BCL7C: variants seen among roughly 807,000 people sequenced by gnomAD.
BCL7C encodes BAF chromatin remodeling complex subunit BCL7C, also known as B-cell CLL/lymphoma 7 protein family member C.
A neutral mutation model predicts 26.2 loss-of-function variants in BCL7C; 8 were observed. The observed-to-expected ratio is 0.30, with a 90% CI of 0.18 to 0.55. The LOEUF is 0.55. BCL7C is among the 20% of genes least tolerant of loss of function. The pLI, the probability that BCL7C is intolerant of heterozygous loss-of-function variation, is 0.93. For synonymous variants in BCL7C, 90 were observed against 116.5 expected (o/e 0.77, Z 1.47); for missense variants, 262 against 298.5 (o/e 0.88, Z 0.90).
intron 5 of BCL7C, among the ~76,000 whole-genome samples, chr16:30,841,622 G>T (rs746819660): frequency 6.6e-6 from 1 of 151,996 alleles, no homozygotes; most frequent in Non-Finnish European, 1.5e-5. Context: ...CCCCTTTCTC[G>T]TTATCTCTTT....
At position 30,887,831 on chromosome 16, in the gene BCL7C, G is replaced by T; in HGVS notation, c.*34C>A. 6.5e-7 allele frequency: 1 copy of T among 1,537,948 alleles called. No individual in the cohort carries two copies. The highest frequency in any genetic ancestry group is 8.7e-7 in the Non-Finnish European group (1 of 1,149,402). On this transcript the variant is annotated 3_prime_UTR_variant, in exon 6 of 6. Coordinates refer to ENST00000215115, the MANE Select transcript of BCL7C (RefSeq NM_004765.4). Reference sequence around the variant, plus strand: ...TCTTTATTTGTAAAAAGCCAAAGGGGCCCCTGGGGCAACAGGACAGGCAGG... The same window carrying T: ...TCTTTATTTGTAAAAAGCCAAAGGGTCCCCTGGGGCAACAGGACAGGCAGG...
intron 5 of BCL7C, chr16:30,888,622 A>T: frequency 2.8e-6 from 1 of 358,840 alleles, no homozygotes; most frequent in South Asian, 4.1e-5. Flanking sequence ...GGCGTGAGCC[A>T]CCACGCCCAG....
chr16:30,881,478 C>T (rs1210736178), intron 5 of BCL7C, among the ~76,000 whole-genome samples: 6 of 152,018 alleles, frequency 3.9e-5, no homozygotes, highest in Admixed American at 2.0e-4. Context: ...CTGCTCAGAA[C>T]ACTCCACGAT....
chr16:30,862,322 C>T (rs535319061), intron 5 of BCL7C, among the ~76,000 whole-genome samples: 2 of 152,292 alleles, frequency 1.3e-5, no homozygotes, highest in South Asian at 4.2e-4. Flanking sequence ...TTTACTATTC[C>T]TTTGCACCCT....
intron 5 of BCL7C, among the ~76,000 whole-genome samples, chr16:30,837,073 C>T (rs909916670): frequency 2.0e-5 from 3 of 152,132 alleles, no homozygotes; most frequent in Non-Finnish European, 2.9e-5. Flanking sequence ...GGATTACAGG[C>T]ATGAGCCACC....
chr16:30,834,706 G>A lies in BCL7C; in HGVS notation c.*242C>T, dbSNP rs147132477. ...CCTCCCCTAGGCCTCTAGCAAGGCG[G>A]CCTCAGGCACTGGATGTGGTCCGAG... On this transcript the variant is annotated 3_prime_UTR_variant, in exon 6 of 6. Coordinates refer to the BCL7C transcript ENST00000380317. The surrounding 1 kb of genome is among the most constrained non-coding windows in gnomAD (Gnocchi z 4.3). The A allele has an allele frequency of 1.3e-3, 535 of 404,036 alleles. No individual in the cohort carries two copies. Among genetic ancestry groups the A allele is most frequent in the African/African-American group, 0.01 (499 of 48,638 alleles). 25.0% of individuals were successfully genotyped at this position (404,036 alleles called of 1,614,324 possible).
intron 5 of BCL7C, among the ~76,000 whole-genome samples, chr16:30,871,249 G>A (rs2054879787): frequency 2.6e-5 from 4 of 152,146 alleles, no homozygotes. Context: ...TGCTGTAAAC[G>A]ATGGCTGGAG....
chr16:30,893,122 C>G lies in BCL7C; in HGVS notation c.171+90G>C. 7.2e-7 allele frequency: 1 copy of G among 1,397,024 alleles called. No individual in the cohort carries two copies. Among genetic ancestry groups the G allele is most frequent in the Non-Finnish European group, 9.9e-7 (1 of 1,005,092 alleles). The allele number at this position is 1,397,024 out of a possible 1,614,324, so 86.5% of individuals were successfully genotyped here. A position where few individuals can be genotyped will look rare whatever the true frequency, so the allele number is the denominator to read the frequency against. On this transcript the variant is annotated intron_variant, in intron 2 of 5. Transcript: ENST00000215115. The surrounding 1 kb of genome is among the most constrained non-coding windows in gnomAD (Gnocchi z 5.2). Reference sequence around the variant, plus strand: ...CCGTCTGTCCTGCTGCATCTGAGGTCTCGGGGAGCTGGAGGTAGAGGTCAG... The same window carrying G: ...CCGTCTGTCCTGCTGCATCTGAGGTGTCGGGGAGCTGGAGGTAGAGGTCAG...
At chr16:30,889,048 G>A in intron 4 of BCL7C, 103 bp from the exon 5 acceptor site, 1 of 1,127,182 alleles carries the variant, frequency 8.9e-7, no homozygotes, top group Non-Finnish European at 1.3e-6. Flanking sequence ...ACAGAGGGCA[G>A]AGGGCCATGG....
At chr16:30,856,583 T>A (rs1476952168) in intron 5 of BCL7C, among the ~76,000 whole-genome samples, 1 of 152,234 alleles carries the variant, frequency 6.6e-6, no homozygotes, top group Non-Finnish European at 1.5e-5. Context: ...TATTCTACGT[T>A]GTGCAGCCAC....
At chr16:30,869,977 C>T (rs56083427) in intron 5 of BCL7C, among the ~76,000 whole-genome samples, 37,387 of 152,162 alleles carry the variant, frequency 0.25, 5,282 homozygotes, top group South Asian at 0.68. Context: ...AGTAGGGCAG[C>T]GGCTAAAAGC....
At chr16:30,874,423 C>T (rs962500415) in intron 5 of BCL7C, among the ~76,000 whole-genome samples, 1 of 152,046 alleles carries the variant, frequency 6.6e-6, no homozygotes, top group African/African-American at 2.4e-5. Flanking sequence ...TCCAGACCAG[C>T]CTGGACAACA....
intron 5 of BCL7C, among the ~76,000 whole-genome samples, chr16:30,846,096 C>A (rs1189918356): frequency 7.4e-5 from 10 of 135,960 alleles, no homozygotes; most frequent in African/African-American, 2.2e-4. Context: ...GGCAACAGAG[C>A]GAGACTCCAT....
rs1339639700 is a variant in BCL7C, at chr16:30,847,789, C to CT, written c.529-12642dup. Among the ~76,000 whole-genome samples, 4 of 151,752 alleles carry CT rather than the reference C, an allele frequency of 2.6e-5. No individual in the cohort carries two copies. The Admixed American group carries it at 2.6e-4, about 10-fold the overall frequency. The stretch of plus-strand genomic sequence containing the variant: ...CCAGCCTGGGCAACAGAATGAGACT[C>CT]TATCTTGAAAAAAAACAAAAACAAA... On this transcript the variant is annotated intron_variant, in intron 5 of 5. Coordinates refer to the BCL7C transcript ENST00000380317.
rs1019534151 is a variant in BCL7C, at chr16:30,834,737, C to T, written c.*211G>A. The T allele has an allele frequency of 1.9e-5, 10 of 535,450 alleles. No homozygotes were observed. Among genetic ancestry groups the T allele is most frequent in the Non-Finnish European group, 3.3e-5 (10 of 305,356 alleles). The allele number at this position is 535,450 out of a possible 1,614,324, so 33.2% of individuals were successfully genotyped here. A position where few individuals can be genotyped will look rare whatever the true frequency, so the allele number is the denominator to read the frequency against. On this transcript the variant is annotated 3_prime_UTR_variant, in exon 6 of 6. Coordinates refer to the BCL7C transcript ENST00000380317. The surrounding 1 kb of genome is among the most constrained non-coding windows in gnomAD (Gnocchi z 4.3). ...GGCACTGGATGTGGTCCGAGTTCTGCCCTAAGCCCTTCCCATGCATTCGGG... is the reference window on the plus strand; with the variant it reads ...GGCACTGGATGTGGTCCGAGTTCTGTCCTAAGCCCTTCCCATGCATTCGGG...
intron 5 of BCL7C, among the ~76,000 whole-genome samples, chr16:30,873,978 G>C (rs1437196422): frequency 7.4e-5 from 2 of 26,986 alleles, no homozygotes; most frequent in African/African-American, 3.6e-4. Flanking sequence ...CACACACAGA[G>C]GAAGGTATAG....
chr16:30,877,253 G>A (rs916159852), intron 5 of BCL7C, among the ~76,000 whole-genome samples: 1 of 151,644 alleles, frequency 6.6e-6, no homozygotes, highest in Middle Eastern at 3.4e-3. Context: ...CTGCTTTCAA[G>A]GGTAGCTGGA....
chr16:30,839,320 C>G (rs532986100), intron 5 of BCL7C, among the ~76,000 whole-genome samples: 1 of 152,128 alleles, frequency 6.6e-6, no homozygotes, highest in Non-Finnish European at 1.5e-5. Flanking sequence ...ACTGTCTTCT[C>G]GCAGGGTCTG....
intron 5 of BCL7C, among the ~76,000 whole-genome samples, chr16:30,852,536 G>T: frequency 6.8e-6 from 1 of 147,728 alleles, no homozygotes; most frequent in African/African-American, 2.5e-5. Flanking sequence ...TTGGCGCCCA[G>T]GTTGGAGTGC....
Sources: gnomAD v4.1 joint callset for allele counts (sites outside exome capture counted in the v4.1 genomes callset) on GRCh38, gnomAD v4.1.1 for gene constraint, Gnocchi (gnomAD v3.1) non-coding constraint, MANE v1.5 for transcripts, NCBI Gene and HGNC (gene_info 2026-07-23, HGNC 2026-07-21) for gene names.